The following GPD2 variants were observed in gnomAD, a reference collection of about 807,000 sequenced individuals.
The protein encoded by GPD2 is glycerol-3-phosphate dehydrogenase 2.
Under a neutral mutation model 82.4 loss-of-function variants are expected in GPD2, and 54 were observed. That is an observed-to-expected ratio of 0.66 (90% CI 0.53 to 0.82). GPD2 has a LOEUF of 0.82. Ranked by LOEUF, GPD2 falls within the 40% of genes least tolerant of loss-of-function variation. The pLI is 0.00. For synonymous variants in GPD2, 288 were observed against 306.1 expected (o/e 0.94, Z 0.62); for missense variants, 748 against 896.2 (o/e 0.83, Z 2.11).
chr2:156,514,789 A>AT (rs1318824377), intron 6 of GPD2, among the ~76,000 whole-genome samples: 1 of 152,090 alleles, frequency 6.6e-6, no homozygotes, highest in Non-Finnish European at 1.5e-5. Context: ...CCACTTAACT[A>AT]TTTTTTTGGT....
intron 1 of GPD2, among the ~76,000 whole-genome samples, chr2:156,443,286 G>T (rs1018628300): frequency 4.6e-5 from 7 of 152,102 alleles, no homozygotes; most frequent in African/African-American, 1.7e-4. Context: ...TTATTTGCAA[G>T]CATGCATAAT....
chr2:156,582,675 AG>A, intron 16 of GPD2, 117 bp from the exon 17 acceptor site: 4 of 1,070,606 alleles, frequency 3.7e-6, no homozygotes, highest in Non-Finnish European at 5.8e-6. Flanking sequence ...GTACTTGTTA[AG>A]GTTTTTGATG....
chr2:156,407,841 A>G, the GPD2 span, among the ~76,000 whole-genome samples: 3 of 152,036 alleles, frequency 2.0e-5, no homozygotes, highest in East Asian at 1.9e-4. Flanking sequence ...CTCTCCAAAA[A>G]TGTCTATTTT....
chr2:156,437,064 T>C (rs1205873732), intron 1 of GPD2, among the ~76,000 whole-genome samples: 1 of 152,192 alleles, frequency 6.6e-6, no homozygotes, highest in Non-Finnish European at 1.5e-5. Flanking sequence ...AGATGGTCTC[T>C]AGTCTGGCTT....
intron 6 of GPD2, among the ~76,000 whole-genome samples, chr2:156,530,505 T>G (rs1289654000): frequency 6.6e-6 from 1 of 150,526 alleles, no homozygotes; most frequent in Non-Finnish European, 1.5e-5. Context: ...CCCTGTCTTG[T>G]GCCAGTTTTC....
At chr2:156,496,338 G>A (rs1684378371) in intron 3 of GPD2, 123 bp downstream of exon 3, 2 of 685,836 alleles carry the variant, frequency 2.9e-6, no homozygotes, top group Admixed American at 4.6e-5. Context: ...CCATCACCTA[G>A]GTACAAGCTC....
At chr2:156,493,958 G>GTGTGTGTGTGTGTGTGTGTGTA (rs60643688) in intron 2 of GPD2, among the ~76,000 whole-genome samples, 4 of 143,518 alleles carry the variant, frequency 2.8e-5, no homozygotes, top group East Asian at 2.1e-4. Flanking sequence ...GTGTGTGTGT[G>GTGTGTGTGTGTGTGTGTGTGTA]TATAATTTTT....
At chr2:156,578,764 A>G in intron 13 of GPD2, 125 bp from the exon 14 acceptor site, 2 of 670,814 alleles carry the variant, frequency 3.0e-6, no homozygotes, top group Non-Finnish European at 5.3e-6. Flanking sequence ...TGGAAGAAAT[A>G]AAAAAATTGT....
chr2:156,531,179 T>G (rs1260987606), intron 6 of GPD2, among the ~76,000 whole-genome samples: 1 of 152,216 alleles, frequency 6.6e-6, no homozygotes, highest in Non-Finnish European at 1.5e-5. Flanking sequence ...TCTTCTCTTC[T>G]CCCCATCCCA....
intron 6 of GPD2, among the ~76,000 whole-genome samples, chr2:156,527,358 T>C (rs1338833192): frequency 2.6e-5 from 4 of 152,152 alleles, no homozygotes; most frequent in African/African-American, 9.6e-5. Flanking sequence ...ATTACTATTT[T>C]AGAATGTGAA....
the GPD2 span, among the ~76,000 whole-genome samples, chr2:156,421,239 A>AGAAT: frequency 6.6e-6 from 1 of 152,240 alleles, no homozygotes; most frequent in South Asian, 2.1e-4. Context: ...GGTGCTCATT[A>AGAAT]GAATGCAGAT....
At position 156,557,508 on chromosome 2, in the gene GPD2, A is replaced by G. The variant is rs554116860; in HGVS notation, c.1091A>G (p.His364Arg). Reference sequence around the variant, plus strand: ...GATACTCCAACTGATGTTACACACCATCCAATTCCTTCAGAAGAAGATATC... The same window carrying G: ...GATACTCCAACTGATGTTACACACCGTCCAATTCCTTCAGAAGAAGATATC... ...TTDTPTDVTHHPIPSEEDINF... is the reference protein window; with the variant it reads ...TTDTPTDVTHRPIPSEEDINF... The change falls in exon 9 of 17, where the codon CAT becomes CGT. Residue 364 changes from histidine (H) to arginine (R), a missense_variant. Around this residue, in one of 3 missense-constraint regions of GPD2, gnomAD observed 692 missense variants for 809.7 expected, o/e 0.85. Coordinates refer to ENST00000438166, the MANE Select transcript of GPD2 (RefSeq NM_000408.5). The G allele has an allele frequency of 1.1e-5, 18 of 1,597,926 alleles. No homozygotes were observed. In the Admixed American group the frequency reaches 3.0e-4, roughly 27 times the overall value.
At chr2:156,480,073 T>A (rs969326438) in intron 2 of GPD2, among the ~76,000 whole-genome samples, 2 of 152,216 alleles carry the variant, frequency 1.3e-5, no homozygotes, top group Non-Finnish European at 2.9e-5. Flanking sequence ...ACACTTTTAA[T>A]TGGATGAAAC....
intron 6 of GPD2, among the ~76,000 whole-genome samples, chr2:156,531,108 CT>C (rs1384752797): frequency 6.6e-6 from 1 of 152,188 alleles, no homozygotes; most frequent in Non-Finnish European, 1.5e-5. Flanking sequence ...CGATTAAACA[CT>C]TCACTCACTG....
chr2:156,409,204 C>A, the GPD2 span, among the ~76,000 whole-genome samples: 2 of 152,168 alleles, frequency 1.3e-5, no homozygotes, highest in Non-Finnish European at 1.5e-5. Context: ...CTAAGCCACA[C>A]AATTGGTGAT....
chr2:156,408,327 A>G, the GPD2 span, among the ~76,000 whole-genome samples: 7 of 152,278 alleles, frequency 4.6e-5, no homozygotes, highest in Middle Eastern at 3.4e-3. Flanking sequence ...TTGTTTTGAA[A>G]TATGGAAAGT....
At chr2:156,439,564 A>G (rs886927386) in intron 1 of GPD2, among the ~76,000 whole-genome samples, 5 of 135,784 alleles carry the variant, frequency 3.7e-5, no homozygotes, top group Admixed American at 2.3e-4. Context: ...CAAGCCAGGC[A>G]GGCACAGTGA....
intron 2 of GPD2, among the ~76,000 whole-genome samples, chr2:156,494,724 C>T (rs1043741621): frequency 3.3e-5 from 5 of 152,116 alleles, no homozygotes; most frequent in Non-Finnish European, 7.4e-5. Context: ...GGAAAAACAC[C>T]ACCATCATGG....
the GPD2 span, among the ~76,000 whole-genome samples, chr2:156,424,930 T>G: frequency 6.6e-6 from 1 of 152,182 alleles, no homozygotes; most frequent in Non-Finnish European, 1.5e-5. Flanking sequence ...TACCTCTAAA[T>G]TCAATAACTT....
Sources: gnomAD v4.1 joint callset for allele counts (sites outside exome capture counted in the v4.1 genomes callset) on GRCh38, gnomAD v4.1.1 for gene constraint, gnomAD v4.1.1 regional missense constraint, MANE v1.5 for transcripts, NCBI Gene and HGNC (gene_info 2026-07-23, HGNC 2026-07-21) for gene names.